ARHGEF19: variants seen among roughly 807,000 people sequenced by gnomAD.
ARHGEF19 encodes Rho guanine nucleotide exchange factor (GEF) 19.
Under a neutral mutation model 87.6 loss-of-function variants are expected in ARHGEF19, and 92 were observed. The observed-to-expected ratio is 1.05, with a 90% confidence interval of 0.89 to 1.25. The LOEUF (loss-of-function observed/expected upper bound fraction) is 1.25, where lower values mean the gene tolerates loss of function less well. ARHGEF19 is among the 50% of genes most tolerant of loss of function. The probability of loss-of-function intolerance (pLI) is 0.00; values close to 1 mark genes in which losing one functional copy is unlikely to be tolerated. For synonymous variants in ARHGEF19, 438 were observed against 446.2 expected (o/e 0.98, Z 0.23); for missense variants, 1,054 against 1,051.8 (o/e 1.00, Z -0.03).
Position 16,199,292 on chromosome 1 carries a change from A to G in ARHGEF19, c.2147-38T>C, listed in dbSNP as rs771178149. 3.2e-6 allele frequency: 5 copies of G among 1,571,866 alleles called. No individual in the cohort carries two copies. The Admixed American group carries it at 8.4e-5, about 26-fold the overall frequency. Reference sequence around the variant, plus strand: ...GGGAGGCTCAGGGAGTCCCAAGGGCAGGATGGCAGGGGGAGGAGCATGGGT... The same window carrying G: ...GGGAGGCTCAGGGAGTCCCAAGGGCGGGATGGCAGGGGGAGGAGCATGGGT... On this transcript the variant is annotated intron_variant, in intron 14 of 15. Transcript: ENST00000270747.
In ARHGEF19 at chr1:16,208,999, G is replaced by C. The variant is rs756038586; in HGVS notation, c.56C>G (p.Thr19Ser). ...LQPHLTGPPG[T>S]AHHPVAVCQQ... ...GCACACTGCTACAGGGTGGTGGGCA[G>C]TGCCAGGTGGCCCAGTCAGGTGGGG... is the stretch of plus-strand genomic sequence containing the variant. Residue 19 changes from threonine to serine, a missense_variant, in exon 2 of 16, where the codon ACT (threonine) becomes AGT (serine). By Grantham distance (58) the Thr-to-Ser change is moderately conservative. Transcript: ENST00000270747. 1.9e-5 allele frequency: 28 copies of C among 1,511,664 alleles called. No individual in the cohort carries two copies. The South Asian group carries it at 3.5e-4, about 19-fold the overall frequency. The allele number at this position is 1,511,664 out of a possible 1,614,324, so 93.6% of individuals were successfully genotyped here.
chr1:16,206,627 G>A lies in ARHGEF19; in HGVS notation c.1138-287C>T. The A allele has an allele frequency of 2.6e-6, 1 of 377,990 alleles. No homozygotes were observed. Among genetic ancestry groups the A allele is most frequent in the Non-Finnish European group, 4.6e-6 (1 of 217,160 alleles). The allele number at this position is 377,990 out of a possible 1,614,324, so 23.4% of individuals were successfully genotyped here. On this transcript the variant is annotated intron_variant, in intron 6 of 15. Transcript: ENST00000270747. The surrounding 1 kb of genome is among the most constrained non-coding windows in gnomAD (Gnocchi z 4.6). ...CCGCCCCTGATCCTGGCCCCGCCTT[G>A]TTCCGCGCCCACCAGGCGTTTGCTC...
rs2081150592 is a variant in ARHGEF19, at chr1:16,207,458, C to T, written c.874+64G>A. The T allele has an allele frequency of 3.8e-6, 6 of 1,590,118 alleles. No homozygotes were observed. In the East Asian group the frequency reaches 6.7e-5, roughly 18 times the overall value. On this transcript the variant is annotated intron_variant, in intron 5 of 15. Coordinates refer to ENST00000270747, the MANE Select transcript of ARHGEF19 (RefSeq NM_153213.5). This position sits in a 1 kb window ranked among gnomAD's most constrained non-coding sequence, Gnocchi z 4.0. ...CTCTCAACTCTCCAAACCCTCTTTT[C>T]CCCGTTTCCACACCGCAGCCCCTTC...
In ARHGEF19 at chr1:16,205,643, GCCAGGGAAC is replaced by G; in HGVS notation, c.1467_1475del (p.Arg489_Gly492delinsSer). 6.2e-7 allele frequency: 1 copy of G among 1,612,118 alleles called. No homozygotes were observed. Among genetic ancestry groups the G allele is most frequent in the Non-Finnish European group, 8.5e-7 (1 of 1,179,328 alleles). ...GAGACTCCTCCAGGCGAGCCAGGATGCCAGGGAACCTGGGGTTCTCCAGGCTGGAAAATG... is the reference window on the plus strand; with the variant it reads ...GAGACTCCTCCAGGCGAGCCAGGATGCTGGGGTTCTCCAGGCTGGAAAATG... On this transcript the variant is annotated inframe_deletion, in exon 9 of 16. Transcript: ENST00000270747. The surrounding 1 kb of genome is among the most constrained non-coding windows in gnomAD (Gnocchi z 5.8).
At chr1:16,208,541 A>G in intron 2 of ARHGEF19, 102 bp downstream of exon 2, 12 of 1,415,346 alleles carry the variant, frequency 8.5e-6, no homozygotes, top group Non-Finnish European at 7.5e-6. Context: ...ACTTGTCCTG[A>G]CTTTTGGGGG....
chr1:16,201,968 A>G, intron 13 of ARHGEF19, 107 bp from the exon 14 acceptor site: 2 of 865,368 alleles, frequency 2.3e-6, no homozygotes, highest in South Asian at 1.7e-5. Flanking sequence ...CAGGCCTAGG[A>G]CCCAGGCCTA....
In ARHGEF19 at chr1:16,198,474, C is replaced by T. The variant is rs1482412720; in HGVS notation, c.*113G>A. 1 of 1,377,918 alleles carries T rather than the reference C, an allele frequency of 7.3e-7. No homozygotes were observed. Among genetic ancestry groups the T allele is most frequent in the Non-Finnish European group, 9.7e-7 (1 of 1,029,040 alleles). The allele number at this position is 1,377,918 out of a possible 1,614,324, so 85.4% of individuals were successfully genotyped here. On this transcript the variant is annotated 3_prime_UTR_variant, in exon 16 of 16. Coordinates refer to ENST00000270747, the MANE Select transcript of ARHGEF19 (RefSeq NM_153213.5). The surrounding 1 kb of genome is among the most constrained non-coding windows in gnomAD (Gnocchi z 4.1). ...CCAGCCTGTGCCCTCAATGCCAAGG[C>T]CACAGAAGCGAAGTGCCAGCAGGAG...
At position 16,207,248 on chromosome 1, in the gene ARHGEF19, C is replaced by G. The variant is rs3738627; in HGVS notation, c.875-38G>C. ...CGGGCGGGGGAGAGCGTGGGGCGCCCGCCAGCCCCTGCCCGGCTTTTCCTC... is the reference window on the plus strand; with the variant it reads ...CGGGCGGGGGAGAGCGTGGGGCGCCGGCCAGCCCCTGCCCGGCTTTTCCTC... On this transcript the variant is annotated intron_variant, in intron 5 of 15. Transcript: ENST00000270747. The surrounding 1 kb of genome is among the most constrained non-coding windows in gnomAD (Gnocchi z 4.0). 2.8e-3 allele frequency: 4,063 copies of G among 1,471,664 alleles called. 85 individuals are homozygous for G. The East Asian group carries it at 0.053, about 19-fold the overall frequency. 91.2% of individuals were successfully genotyped at this position (1,471,664 alleles called of 1,614,324 possible). A position where few individuals can be genotyped will look rare whatever the true frequency, so the allele number is the denominator to read the frequency against.
chr1:16,211,435 G>A (rs2081196154), intron 1 of ARHGEF19, among the ~76,000 whole-genome samples: 1 of 152,204 alleles, frequency 6.6e-6, no homozygotes, highest in Non-Finnish European at 1.5e-5. Context: ...AGGGCAGGGA[G>A]GGACCCTCTC....
chr1:16,207,756 G>A lies in ARHGEF19; in HGVS notation c.716C>T (p.Ala239Val). ...AREGKASGME[A>V]RSVEMSGDRV... Reference sequence around the variant, plus strand: ...GTCCCCGCTCATCTCTACACTTCGAGCCTCCATTCCAGATGCTTTCCCTGG... The same window carrying A: ...GTCCCCGCTCATCTCTACACTTCGAACCTCCATTCCAGATGCTTTCCCTGG... The change falls in exon 4 of 16, where the codon GCT (alanine) becomes GTT (valine). Residue 239 changes from alanine (A) to valine (V), a missense_variant. Physicochemically the swap from Ala to Val is moderately conservative, Grantham distance 64. Coordinates refer to ENST00000270747, the MANE Select transcript of ARHGEF19 (RefSeq NM_153213.5). This position sits in a 1 kb window ranked among gnomAD's most constrained non-coding sequence, Gnocchi z 4.0. 1 of 1,614,062 alleles carries A rather than the reference G, an allele frequency of 6.2e-7. No homozygotes were observed. Among genetic ancestry groups the A allele is most frequent in the South Asian group, 1.1e-5 (1 of 91,088 alleles).
At chr1:16,208,248 A>G in intron 2 of ARHGEF19, 23 bp from the exon 3 acceptor site, 1 of 1,605,080 alleles carries the variant, frequency 6.2e-7, no homozygotes, top group South Asian at 1.1e-5. Flanking sequence ...GCAAGGAGTG[A>G]GAGCACGGGC....
At chr1:16,203,823 G>A (rs2081102021) in intron 12 of ARHGEF19, among the ~76,000 whole-genome samples, 1 of 152,136 alleles carries the variant, frequency 6.6e-6, no homozygotes, top group Non-Finnish European at 1.5e-5. Flanking sequence ...TCCACACCAG[G>A]AAATACCGCA....
Position 16,207,510 on chromosome 1 carries a change from C to T in ARHGEF19, c.874+12G>A, listed in dbSNP as rs199749241. On this transcript the variant is annotated intron_variant, in intron 5 of 15. Transcript: ENST00000270747. The surrounding 1 kb of genome is among the most constrained non-coding windows in gnomAD (Gnocchi z 4.0). Reference sequence around the variant, plus strand: ...TCCGTTACCTCCTCCCAGGGACCCCCCTCCCACGTACAGTTAAGGAGGAAT... The same window carrying T: ...TCCGTTACCTCCTCCCAGGGACCCCTCTCCCACGTACAGTTAAGGAGGAAT... 6.2e-7 allele frequency: 1 copy of T among 1,613,634 alleles called. No homozygotes were observed. The highest frequency in any genetic ancestry group is 2.2e-5 in the East Asian group (1 of 44,870).
intron 1 of ARHGEF19, among the ~76,000 whole-genome samples, chr1:16,210,240 AG>A (rs1364223668): frequency 6.6e-6 from 1 of 150,856 alleles, no homozygotes; most frequent in Non-Finnish European, 1.5e-5. Flanking sequence ...CCAGACAAAG[AG>A]TTTGATTCAT....
chr1:16,210,015 G>A (rs941243948), intron 1 of ARHGEF19, among the ~76,000 whole-genome samples: 3 of 152,242 alleles, frequency 2.0e-5, no homozygotes, highest in Non-Finnish European at 2.9e-5. Flanking sequence ...GGTCCTTTCT[G>A]GGCAGGAAGT....
chr1:16,209,382 A>G (rs1407433627), intron 1 of ARHGEF19, among the ~76,000 whole-genome samples: 1 of 152,192 alleles, frequency 6.6e-6, no homozygotes. Context: ...TATTTGGTAA[A>G]TGGTGGAGCC....
intron 12 of ARHGEF19, 108 bp downstream of exon 12, chr1:16,204,651 C>G: frequency 7.4e-7 from 1 of 1,343,868 alleles, no homozygotes; most frequent in Non-Finnish European, 9.8e-7. Flanking sequence ...TACCCTGGCA[C>G]AGGCAGGGAC....
At position 16,206,490 on chromosome 1, in the gene ARHGEF19, A is replaced by ACCCACGTCCCGCCGC. The variant is rs1297659092; in HGVS notation, c.1138-165_1138-151dup. ...AATCTGGCGCCGGGCGGGCCCGGCG[A>ACCCACGTCCCGCCGC]CCCACGTCCCGCCGCGGGAAATTGT... On this transcript the variant is annotated intron_variant, in intron 6 of 15. Coordinates refer to ENST00000270747, the MANE Select transcript of ARHGEF19 (RefSeq NM_153213.5). This position sits in a 1 kb window ranked among gnomAD's most constrained non-coding sequence, Gnocchi z 4.6. 2.5e-6 allele frequency: 2 copies of ACCCACGTCCCGCCGC among 793,500 alleles called. No homozygotes were observed. The highest frequency in any genetic ancestry group is 4.0e-6 in the Non-Finnish European group (2 of 495,070). 49.2% of individuals were successfully genotyped at this position (793,500 alleles called of 1,614,324 possible).
At chr1:16,210,777 C>A (rs2081190654) in intron 1 of ARHGEF19, among the ~76,000 whole-genome samples, 1 of 152,170 alleles carries the variant, frequency 6.6e-6, no homozygotes, top group African/African-American at 2.4e-5. Flanking sequence ...AGGAAGACTT[C>A]CTGGAGGAGG....
Sources: allele counts gnomAD v4.1 joint callset (sites outside exome capture counted in the v4.1 genomes callset), GRCh38; gene constraint gnomAD v4.1.1; non-coding constraint Gnocchi (gnomAD v3.1); transcripts MANE v1.5; gene names NCBI Gene and HGNC (gene_info 2026-07-23, HGNC 2026-07-21).